ATP2B2: variants seen among roughly 807,000 people sequenced by gnomAD.
The protein encoded by ATP2B2 is ATPase plasma membrane Ca2+ transporting 2, also known as plasma membrane calcium-transporting ATPase 2.
Under a neutral mutation model 120.0 loss-of-function variants are expected in ATP2B2, and 15 were observed. The observed-to-expected ratio is 0.12, with a 90% CI of 0.08 to 0.19. The LOEUF (loss-of-function observed/expected upper bound fraction) is 0.19, where lower values mean the gene tolerates loss of function less well. Among genes scored for constraint, ATP2B2 ranks in the 10% least tolerant of loss-of-function variants. The probability of loss-of-function intolerance (pLI) is 1.00; values close to 1 mark genes in which losing one functional copy is unlikely to be tolerated. For synonymous variants in ATP2B2, 694 were observed against 700.3 expected, an observed-to-expected ratio of 0.99 and a Z score of 0.14; for missense variants, 1,045 against 1,719.8, an observed-to-expected ratio of 0.61 and a Z score of 6.94.
At chr3:10,394,157 A>G (rs2061951410) in intron 5 of ATP2B2, among the ~76,000 whole-genome samples, 1 of 151,994 alleles carries the variant, frequency 6.6e-6, no homozygotes, top group Admixed American at 6.5e-5. Context: ...CATCTCTTCT[A>G]AAAGGGTTCC....
chr3:10,538,012 AT>A (rs1457431075), intron 2 of ATP2B2, among the ~76,000 whole-genome samples: 1 of 152,188 alleles, frequency 6.6e-6, no homozygotes, highest in African/African-American at 2.4e-5. Context: ...ATGATGCATA[AT>A]TCTTTTTACA....
At chr3:10,655,866 T>G (rs995381533) in intron 1 of ATP2B2, among the ~76,000 whole-genome samples, 1 of 152,206 alleles carries the variant, frequency 6.6e-6, no homozygotes, top group African/African-American at 2.4e-5. Flanking sequence ...TCTACCCAAT[T>G]CAACGTGCCT....
rs1365401734 is a variant in ATP2B2 at position 10,591,832 on chromosome 3, TTTCCTGACCTTCAA to T, written c.-415+28071_-415+28084del. On this transcript the variant is annotated intron_variant, in intron 2 of 21. Transcript: ENST00000646379. ...TTAAGTAGTGCCATAGAAATCCATGTTTCCTGACCTTCAATTCCTGACCTTCAATTCCAGGGCAT... is the reference window on the plus strand; with the variant it reads ...TTAAGTAGTGCCATAGAAATCCATGTTTCCTGACCTTCAATTCCAGGGCAT... 6.6e-5 allele frequency among the ~76,000 whole-genome samples: 10 copies of T among 152,326 alleles called. No homozygotes were observed. The South Asian group carries it at 1.0e-3, about 16-fold the overall frequency.
chr3:10,332,590 T>C (rs1046169334), intron 22 of ATP2B2, among the ~76,000 whole-genome samples: 3 of 152,188 alleles, frequency 2.0e-5, no homozygotes, highest in Admixed American at 2.0e-4. Flanking sequence ...TTCCCTGGCC[T>C]TCCCTGGAGG....
chr3:10,630,748 C>T (rs1447443835), intron 1 of ATP2B2, among the ~76,000 whole-genome samples: 1 of 151,938 alleles, frequency 6.6e-6, no homozygotes, highest in East Asian at 1.9e-4. Flanking sequence ...AGCACTTTCA[C>T]ACCCAGTGGT....
In ATP2B2 at chr3:10,385,386, A is replaced by G. The variant is rs1449889726; in HGVS notation, c.941-59T>C. On this transcript the variant is annotated intron_variant, in intron 7 of 22. Coordinates refer to ENST00000360273, the MANE Select transcript of ATP2B2 (RefSeq NM_001001331.4). ...GTCACAATGGAGAAAAGCAACAACGACAAAGACATGAACCAACTTGTGGGG... is the reference window on the plus strand; with the variant it reads ...GTCACAATGGAGAAAAGCAACAACGGCAAAGACATGAACCAACTTGTGGGG... 9 of 1,485,776 alleles carry G rather than the reference A, an allele frequency of 6.1e-6. No individual in the cohort carries two copies. In the East Asian group the frequency reaches 1.6e-4, roughly 26 times the overall value. The allele number at this position is 1,485,776 out of a possible 1,614,324, so 92.0% of individuals were successfully genotyped here.
At chr3:10,702,951 T>TAA (rs1466822177) in intron 1 of ATP2B2, among the ~76,000 whole-genome samples, 1 of 152,218 alleles carries the variant, frequency 6.6e-6, no homozygotes, top group African/African-American at 2.4e-5. Flanking sequence ...GTCTGCTTCC[T>TAA]ATTTCTCGGG....
intron 3 of ATP2B2, among the ~76,000 whole-genome samples, chr3:10,403,034 T>C (rs1237267647): frequency 2.0e-5 from 3 of 152,194 alleles, no homozygotes; most frequent in African/African-American, 4.8e-5. Flanking sequence ...TCTCATTACA[T>C]TGCCCAGGCA....
At chr3:10,428,027 C>G (rs184201326) in intron 2 of ATP2B2, among the ~76,000 whole-genome samples, 141 of 152,334 alleles carry the variant, frequency 9.3e-4, no homozygotes, top group African/African-American at 3.3e-3. Flanking sequence ...TTCATGTGTT[C>G]TATTTCTCCT....
At chr3:10,451,828 G>A (rs533347954) in intron 1 of ATP2B2, among the ~76,000 whole-genome samples, 11 of 152,274 alleles carry the variant, frequency 7.2e-5, no homozygotes, top group African/African-American at 2.2e-4. Context: ...TGTATTCCTC[G>A]GAGAAGCAGG....
chr3:10,630,296 C>G (rs1166555155), intron 1 of ATP2B2, among the ~76,000 whole-genome samples: 1 of 152,112 alleles, frequency 6.6e-6, no homozygotes, highest in Non-Finnish European at 1.5e-5. Context: ...AGTTACTTTT[C>G]CTGATGCTCT....
chr3:10,540,096 C>T (rs1182579272), intron 2 of ATP2B2, among the ~76,000 whole-genome samples: 2 of 152,206 alleles, frequency 1.3e-5, no homozygotes, highest in Non-Finnish European at 2.9e-5. Context: ...GACATTTATG[C>T]AGCCAACAGA....
At chr3:10,584,965 C>CA (rs1360179151) in intron 2 of ATP2B2, among the ~76,000 whole-genome samples, 5 of 152,198 alleles carry the variant, frequency 3.3e-5, no homozygotes, top group Non-Finnish European at 5.9e-5. Flanking sequence ...CACCCATCCA[C>CA]AAGTCTTGCT....
At chr3:10,640,745 G>C (rs1334618208) in intron 1 of ATP2B2, among the ~76,000 whole-genome samples, 1 of 152,136 alleles carries the variant, frequency 6.6e-6, no homozygotes, top group African/African-American at 2.4e-5. Flanking sequence ...GCTTTCCTAG[G>C]GCTCTCCAGG....
At chr3:10,680,707 G>A (rs2071362148) in intron 1 of ATP2B2, among the ~76,000 whole-genome samples, 2 of 152,248 alleles carry the variant, frequency 1.3e-5, no homozygotes, top group South Asian at 2.1e-4. Flanking sequence ...TTACACATTC[G>A]TCCTGAGCAT....
At chr3:10,604,554 C>T (rs2069010471) in intron 2 of ATP2B2, among the ~76,000 whole-genome samples, 1 of 152,214 alleles carries the variant, frequency 6.6e-6, no homozygotes. Flanking sequence ...CCTACCACCA[C>T]ATGCCCCACT....
At chr3:10,443,031 C>T in intron 2 of ATP2B2, among the ~76,000 whole-genome samples, 1 of 152,248 alleles carries the variant, frequency 6.6e-6, no homozygotes, top group Non-Finnish European at 1.5e-5. Flanking sequence ...CACTGTGACA[C>T]TAGTCATAGA....
intron 1 of ATP2B2, among the ~76,000 whole-genome samples, chr3:10,504,579 C>T (rs570661903): frequency 6.8e-4 from 102 of 150,926 alleles, no homozygotes; most frequent in African/African-American, 2.3e-3. Context: ...CAACCCCCAA[C>T]CCCCAACCTG....
At chr3:10,485,007 C>A (rs553885817) in intron 1 of ATP2B2, among the ~76,000 whole-genome samples, 13 of 152,326 alleles carry the variant, frequency 8.5e-5, no homozygotes, top group African/African-American at 3.1e-4. Flanking sequence ...CTTAAGCTGA[C>A]CTGACGCAGA....
Sources: gnomAD v4.1 joint callset for allele counts (sites outside exome capture counted in the v4.1 genomes callset) on GRCh38, gnomAD v4.1.1 for gene constraint, MANE v1.5 for transcripts, NCBI Gene and HGNC (gene_info 2026-07-23, HGNC 2026-07-21) for gene names.